ERBB4: variants seen among roughly 807,000 people sequenced by gnomAD.
The protein encoded by ERBB4 is erb-b2 receptor tyrosine kinase 4.
In ERBB4, 42 loss-of-function variants were observed where a neutral mutation model predicts 158.0. The ratio of observed to expected loss-of-function variants is 0.27; its 90% CI spans 0.21 to 0.34. The LOEUF (loss-of-function observed/expected upper bound fraction) is 0.34. ERBB4 is among the 10% of genes least tolerant of loss of function. ERBB4 has a pLI of 1.00. For synonymous variants in ERBB4, 583 were observed against 558.7 expected (o/e 1.04, Z -0.61); for missense variants, 1,333 against 1,624.1 (o/e 0.82, Z 3.08).
At chr2:211,583,064 T>G (rs1450752348) in intron 19 of ERBB4, among the ~76,000 whole-genome samples, 1 of 152,128 alleles carries the variant, frequency 6.6e-6, no homozygotes, top group African/African-American at 2.4e-5. Context: ...TCATTCAGTA[T>G]TTATTGAATG....
chr2:211,655,546 G>A (rs74424975), intron 16 of ERBB4, among the ~76,000 whole-genome samples: 3,327 of 152,200 alleles, frequency 0.022, 119 homozygotes, highest in African/African-American at 0.075. Context: ...CAGAAAATCT[G>A]ATTCTAAAGA....
intron 1 of ERBB4, among the ~76,000 whole-genome samples, chr2:212,409,194 G>GGGT (rs1195945088): frequency 5.9e-5 from 9 of 152,200 alleles, no homozygotes; most frequent in African/African-American, 2.2e-4. Flanking sequence ...TAAAAAGGGA[G>GGGT]ATTTAAATGA....
chr2:212,003,924 T>C (rs2076202143), intron 2 of ERBB4, among the ~76,000 whole-genome samples: 1 of 152,194 alleles, frequency 6.6e-6, no homozygotes, highest in Non-Finnish European at 1.5e-5. Flanking sequence ...AGTCTCTATA[T>C]CCTAGTGTCA....
chr2:211,926,472 A>C lies in ERBB4; in HGVS notation c.421+20958T>G, dbSNP rs971756575. Among the ~76,000 whole-genome samples, 7 of 152,122 alleles carry C rather than the reference A, an allele frequency of 4.6e-5. 1 individual carries two copies. The highest frequency in any genetic ancestry group is 1.7e-4 in the African/African-American group (7 of 41,436). On this transcript the variant is annotated intron_variant, in intron 3 of 27. Coordinates refer to ENST00000342788, the MANE Select transcript of ERBB4 (RefSeq NM_005235.3). ...AGGTTGAATGGTACCTGTGCCAAGG[A>C]TGGAATTTTATAGACAGCAACACAT...
chr2:212,114,956 C>G (rs1418494760), intron 2 of ERBB4, among the ~76,000 whole-genome samples: 1 of 152,118 alleles, frequency 6.6e-6, no homozygotes, highest in African/African-American at 2.4e-5. Flanking sequence ...TGAGGGGCTA[C>G]AAGGTGCTGG....
intron 16 of ERBB4, among the ~76,000 whole-genome samples, chr2:211,641,756 G>T (rs923665785): frequency 6.6e-6 from 1 of 152,008 alleles, no homozygotes; most frequent in Non-Finnish European, 1.5e-5. Flanking sequence ...CTCTGTGACT[G>T]ACCTCAATTC....
intron 5 of ERBB4, among the ~76,000 whole-genome samples, chr2:211,729,403 A>G (rs2074364442): frequency 1.3e-5 from 2 of 151,836 alleles, no homozygotes; most frequent in Admixed American, 1.3e-4. Flanking sequence ...CCTTAATTCC[A>G]AACGAAAATT....
chr2:211,616,788 G>T (rs1406669389), intron 19 of ERBB4, among the ~76,000 whole-genome samples: 1 of 152,120 alleles, frequency 6.6e-6, no homozygotes, highest in Non-Finnish European at 1.5e-5. Flanking sequence ...GCTGATAGCT[G>T]TCCATCAATC....
chr2:211,994,669 C>A (rs1474761925), intron 2 of ERBB4, among the ~76,000 whole-genome samples: 2 of 151,756 alleles, frequency 1.3e-5, no homozygotes, highest in Non-Finnish European at 2.9e-5. Context: ...ATATAGAATT[C>A]ATCAGTTTAG....
chr2:212,095,587 T>C (rs1028013263), intron 2 of ERBB4, among the ~76,000 whole-genome samples: 2 of 152,206 alleles, frequency 1.3e-5, no homozygotes, highest in African/African-American at 4.8e-5. Context: ...GAAGTTTAAT[T>C]GGAATCCATG....
chr2:211,998,771 A>G (rs2076032017), intron 2 of ERBB4, among the ~76,000 whole-genome samples: 2 of 151,866 alleles, frequency 1.3e-5, no homozygotes, highest in East Asian at 1.9e-4. Context: ...TTTCACAACC[A>G]TGATACCCTA....
chr2:212,421,532 C>A (rs1341700390), intron 1 of ERBB4, among the ~76,000 whole-genome samples: 1 of 152,082 alleles, frequency 6.6e-6, no homozygotes, highest in African/African-American at 2.4e-5. Context: ...TATGAGAAAC[C>A]ACTTTCCTTG....
chr2:211,833,700 T>G (rs186422989), intron 3 of ERBB4, among the ~76,000 whole-genome samples: 4 of 152,086 alleles, frequency 2.6e-5, no homozygotes, highest in Admixed American at 2.6e-4. Context: ...TTCCATTAAT[T>G]TTATGATTAG....
chr2:211,969,033 G>A (rs2081381117), intron 2 of ERBB4, among the ~76,000 whole-genome samples: 1 of 151,874 alleles, frequency 6.6e-6, no homozygotes, highest in Admixed American at 6.6e-5. Context: ...AACAAATAGA[G>A]AATAAGCATT....
intron 20 of ERBB4, among the ~76,000 whole-genome samples, chr2:211,533,772 T>G (rs2125668789): frequency 6.6e-6 from 1 of 152,240 alleles, no homozygotes; most frequent in East Asian, 1.9e-4. Context: ...CATGACTATT[T>G]GTATTTTCTT....
chr2:211,603,452 T>G (rs569620206), intron 19 of ERBB4, among the ~76,000 whole-genome samples: 1 of 152,070 alleles, frequency 6.6e-6, no homozygotes, highest in Non-Finnish European at 1.5e-5. Flanking sequence ...GCAATCATAC[T>G]GAAAAAAAAT....
At chr2:212,339,945 CACAA>C (rs1157462524) in intron 1 of ERBB4, among the ~76,000 whole-genome samples, 16 of 152,134 alleles carry the variant, frequency 1.1e-4, no homozygotes, top group Non-Finnish European at 1.6e-4. Flanking sequence ...TGTTTAAATA[CACAA>C]ACAATGATGA....
At chr2:211,580,300 G>A (rs2125767309) in intron 19 of ERBB4, among the ~76,000 whole-genome samples, 1 of 151,840 alleles carries the variant, frequency 6.6e-6, no homozygotes, top group East Asian at 1.9e-4. Context: ...TATTAGCAAG[G>A]AAAAAACAAA....
At chr2:211,854,066 C>T (rs1044441946) in intron 3 of ERBB4, among the ~76,000 whole-genome samples, 17 of 152,054 alleles carry the variant, frequency 1.1e-4, no homozygotes, top group Admixed American at 4.6e-4. Context: ...AACAATGTTA[C>T]GGTGTTTGAA....
Sources: allele counts gnomAD v4.1 joint callset (sites outside exome capture counted in the v4.1 genomes callset), GRCh38; gene constraint gnomAD v4.1.1; transcripts MANE v1.5; gene names NCBI Gene and HGNC (gene_info 2026-07-23, HGNC 2026-07-21).